Variants in AGMO observed in about 807,000 individuals in gnomAD.
AGMO encodes glyceryl-ether monooxygenase.
Under a neutral mutation model 60.2 loss-of-function variants are expected in AGMO, and 75 were observed. That is an observed-to-expected ratio of 1.25 (90% CI 1.03 to 1.51). The LOEUF (loss-of-function observed/expected upper bound fraction) is 1.51. Ranked by LOEUF, AGMO falls within the 40% of genes most tolerant of loss-of-function variation. AGMO has a pLI of 0.00. For synonymous variants in AGMO, 261 were observed against 177.1 expected (o/e 1.47, Z -3.76); for missense variants, 763 against 525.5 (o/e 1.45, Z -4.42).
intron 12 of AGMO, among the ~76,000 whole-genome samples, chr7:15,257,749 G>C (rs925293800): frequency 2.6e-5 from 4 of 152,172 alleles, no homozygotes; most frequent in African/African-American, 9.7e-5. Context: ...CTGGGTGGGA[G>C]ACAGGCAAGG....
chr7:15,394,218 C>T (rs1319348655), intron 5 of AGMO, 39 bp from the exon 6 acceptor site: 1 of 1,365,498 alleles, frequency 7.3e-7, no homozygotes, highest in Non-Finnish European at 1.0e-6. Flanking sequence ...ATGTAGTTAT[C>T]ATTAAATGTG....
intron 3 of AGMO, among the ~76,000 whole-genome samples, chr7:15,530,502 CGTATTTCTATATATATATTCTATAT>C (rs1784278756): frequency 6.5e-5 from 2 of 30,746 alleles, no homozygotes; most frequent in East Asian, 5.0e-3. Context: ...ATTCTATATA[CGTATTTCTATATATATATTCTATAT>C]ACGTATTTCT....
At chr7:15,489,685 C>G (rs529209090) in intron 3 of AGMO, among the ~76,000 whole-genome samples, 1 of 152,280 alleles carries the variant, frequency 6.6e-6, no homozygotes, top group South Asian at 2.1e-4. Flanking sequence ...CACAAAGTCC[C>G]CAGTTGAAAT....
chr7:15,361,048 T>C (rs1027455348), intron 12 of AGMO, among the ~76,000 whole-genome samples: 3 of 152,156 alleles, frequency 2.0e-5, no homozygotes, highest in Non-Finnish European at 4.4e-5. Context: ...AATCCTGGTT[T>C]CTGGAAATCA....
At chr7:15,281,802 T>G (rs1363126175) in intron 12 of AGMO, among the ~76,000 whole-genome samples, 3 of 152,126 alleles carry the variant, frequency 2.0e-5, no homozygotes, top group African/African-American at 7.2e-5. Flanking sequence ...GAAAATAGAT[T>G]TTTAAATAAG....
At chr7:15,306,274 T>C (rs1039208390) in intron 12 of AGMO, 1 of 247,572 alleles carries the variant, frequency 4.0e-6, no homozygotes, top group African/African-American at 2.4e-5. Flanking sequence ...TTCATACTAA[T>C]AAATGGAAAG....
At chr7:15,263,348 A>T (rs1783333280) in intron 12 of AGMO, among the ~76,000 whole-genome samples, 1 of 152,026 alleles carries the variant, frequency 6.6e-6, no homozygotes, top group Non-Finnish European at 1.5e-5. Flanking sequence ...TCACTCATTA[A>T]GAGGGAAATG....
At chr7:15,516,093 T>G (rs565664812) in intron 3 of AGMO, among the ~76,000 whole-genome samples, 3 of 152,302 alleles carry the variant, frequency 2.0e-5, no homozygotes, top group Admixed American at 6.5e-5. Flanking sequence ...CATTCCACAA[T>G]GTATACATAT....
At chr7:15,384,989 T>C (rs141814450) in intron 10 of AGMO, among the ~76,000 whole-genome samples, 13 of 152,130 alleles carry the variant, frequency 8.5e-5, no homozygotes, top group South Asian at 2.1e-4. Context: ...ACCAGACAAA[T>C]TGGAATATTC....
chr7:15,245,589 C>T (rs1465261407), intron 12 of AGMO, among the ~76,000 whole-genome samples: 1 of 151,358 alleles, frequency 6.6e-6, no homozygotes, highest in Non-Finnish European at 1.5e-5. Flanking sequence ...CATAAATATT[C>T]CAAGACTACC....
chr7:15,455,921 T>C (rs1276728479), intron 3 of AGMO, among the ~76,000 whole-genome samples: 1 of 152,130 alleles, frequency 6.6e-6, no homozygotes, highest in Admixed American at 6.6e-5. Flanking sequence ...ACTTGAGGCA[T>C]GCTAAATTTG....
Position 15,372,446 on chromosome 7 carries a change from A to T in AGMO, c.1075-6224T>A, listed in dbSNP as rs189773934. On this transcript the variant is annotated intron_variant, in intron 10 of 12. Transcript: ENST00000342526. ...ACTCCAGCCTGTGCGTCACAGCGAG[A>T]CTCTGTCTCAAAAATAAATAAATAA... 5.3e-5 allele frequency among the ~76,000 whole-genome samples: 8 copies of T among 152,136 alleles called. No homozygotes were observed. In the East Asian group the frequency reaches 1.4e-3, roughly 26 times the overall value.
At chr7:15,288,149 G>C (rs1234270140) in intron 12 of AGMO, among the ~76,000 whole-genome samples, 1 of 151,862 alleles carries the variant, frequency 6.6e-6, no homozygotes, top group East Asian at 1.9e-4. Flanking sequence ...TTGGCCTCCT[G>C]AGTAGCTAGG....
At chr7:15,256,007 A>G (rs1229978143) in intron 12 of AGMO, among the ~76,000 whole-genome samples, 1 of 152,246 alleles carries the variant, frequency 6.6e-6, no homozygotes, top group Non-Finnish European at 1.5e-5. Flanking sequence ...ACACTCCATC[A>G]ATTCAATGCC....
intron 12 of AGMO, among the ~76,000 whole-genome samples, chr7:15,268,997 ATGG>A (rs767355585): frequency 1.1e-4 from 16 of 152,076 alleles, no homozygotes; most frequent in Non-Finnish European, 2.2e-4. Context: ...TCGTTTTACA[ATGG>A]TTTAGCTTAG....
Position 15,380,985 on chromosome 7 carries a change from G to C in AGMO, c.1074+4461C>G, listed in dbSNP as rs925926827. Among the ~76,000 whole-genome samples, 3 of 152,256 alleles carry C rather than the reference G, an allele frequency of 2.0e-5. No homozygotes were observed. The East Asian group carries it at 5.8e-4, about 29-fold the overall frequency. ...TGGGATAACTGCCTAGCCATATGCA[G>C]AAGATTCAAACTGGACCCCTCCCTT... On this transcript the variant is annotated intron_variant, in intron 10 of 12. Coordinates refer to ENST00000342526, the MANE Select transcript of AGMO (RefSeq NM_001004320.2).
the AGMO span, among the ~76,000 whole-genome samples, chr7:15,156,521 A>G: frequency 6.7e-3 from 1,018 of 151,982 alleles, 14 homozygotes; most frequent in African/African-American, 0.022. Context: ...GTCTCTGCCA[A>G]CTCCCCAGAC....
At chr7:15,515,641 T>C (rs1299245616) in intron 3 of AGMO, among the ~76,000 whole-genome samples, 1 of 152,366 alleles carries the variant, frequency 6.6e-6, no homozygotes, top group African/African-American at 2.4e-5. Flanking sequence ...TCCTGTGTCA[T>C]GCTCCAATAG....
chr7:15,551,733 G>A (rs1384630158), intron 2 of AGMO, among the ~76,000 whole-genome samples: 3 of 151,280 alleles, frequency 2.0e-5, no homozygotes, highest in Admixed American at 2.0e-4. Context: ...CGTGAAAATG[G>A]CCATACTGCC....
Sources: gnomAD v4.1 joint callset for allele counts (sites outside exome capture counted in the v4.1 genomes callset) on GRCh38, gnomAD v4.1.1 for gene constraint, MANE v1.5 for transcripts, NCBI Gene and HGNC (gene_info 2026-07-23, HGNC 2026-07-21) for gene names.